VTI1A: variants seen among roughly 807,000 people sequenced by gnomAD.
The protein encoded by VTI1A is vesicle transport through interaction with t-SNAREs homolog 1A.
In VTI1A, 22 loss-of-function variants were observed where a neutral mutation model predicts 34.9. The observed-to-expected ratio is 0.63, with a 90% CI of 0.45 to 0.90. The LOEUF (loss-of-function observed/expected upper bound fraction) is 0.90, where lower values mean the gene tolerates loss of function less well. Ranked by LOEUF, VTI1A falls within the 40% of genes least tolerant of loss-of-function variation. VTI1A has a pLI of 0.00. For missense variants in VTI1A, 268 were observed against 275.6 expected (o/e 0.97, Z 0.20); for synonymous variants, 87 against 97.3 (o/e 0.89, Z 0.62).
At chr10:112,789,520 T>C (rs186352280) in intron 7 of VTI1A, among the ~76,000 whole-genome samples, 3 of 152,288 alleles carry the variant, frequency 2.0e-5, no homozygotes, top group South Asian at 2.1e-4. Context: ...TCTGCTACTC[T>C]CTCTCCTCTT....
intron 7 of VTI1A, among the ~76,000 whole-genome samples, chr10:112,733,748 A>AT (rs1290271610): frequency 6.8e-6 from 1 of 147,310 alleles, no homozygotes; most frequent in African/African-American, 2.6e-5. Context: ...ATTTTATTTT[A>AT]TTTTATTTTA....
At chr10:112,637,391 G>A (rs772829864) in intron 5 of VTI1A, among the ~76,000 whole-genome samples, 2 of 152,204 alleles carry the variant, frequency 1.3e-5, no homozygotes, top group Non-Finnish European at 2.9e-5. Flanking sequence ...ATATAGGGCT[G>A]GGTGTGGTGG....
At chr10:112,628,515 G>T (rs1846006209) in intron 5 of VTI1A, among the ~76,000 whole-genome samples, 1 of 152,124 alleles carries the variant, frequency 6.6e-6, no homozygotes, top group African/African-American at 2.4e-5. Flanking sequence ...GGCCATCAAA[G>T]AATCCTAAAT....
At position 112,701,485 on chromosome 10, in the gene VTI1A, G is replaced by A. The variant is rs189669907; in HGVS notation, c.560+32487G>A. Among the ~76,000 whole-genome samples, 151 of 152,278 alleles carry A rather than the reference G, an allele frequency of 9.9e-4. 1 individual carries two copies. In the East Asian group the frequency reaches 0.024, roughly 24 times the overall value. On this transcript the variant is annotated intron_variant, in intron 7 of 7. Coordinates refer to ENST00000393077, the MANE Select transcript of VTI1A (RefSeq NM_145206.4). ...GCAGATTTGGAATGTATAAAGCCTC[G>A]TGTTGGTTTCTTTGTATTTTCACTG...
chr10:112,766,027 C>T (rs1020530909), intron 7 of VTI1A, among the ~76,000 whole-genome samples: 3 of 152,238 alleles, frequency 2.0e-5, no homozygotes, highest in Middle Eastern at 3.4e-3. Context: ...ATGCAAGAGC[C>T]CTGTGGTGGA....
intron 7 of VTI1A, among the ~76,000 whole-genome samples, chr10:112,796,516 G>T (rs1260648834): frequency 7.2e-5 from 11 of 152,116 alleles, no homozygotes; most frequent in Admixed American, 7.2e-4. Flanking sequence ...TGATCTCGTG[G>T]TCTAAGAGCA....
At chr10:112,768,673 G>A (rs567101077) in intron 7 of VTI1A, among the ~76,000 whole-genome samples, 2 of 152,322 alleles carry the variant, frequency 1.3e-5, no homozygotes, top group Admixed American at 6.5e-5. Flanking sequence ...CATGATCCCA[G>A]GTTGAATCCT....
Position 112,522,789 on chromosome 10 carries a change from G to C in VTI1A, c.265-4298G>C, listed in dbSNP as rs868704642. ...ACTAGCTGATTTTATTGTAATACCA[G>C]ATCATTACTTAATTCATATGCAACA... On this transcript the variant is annotated intron_variant, in intron 3 of 7. Coordinates refer to ENST00000393077, the MANE Select transcript of VTI1A (RefSeq NM_145206.4). 2.8e-4 allele frequency among the ~76,000 whole-genome samples: 43 copies of C among 152,144 alleles called. 1 individual carries two copies. Among genetic ancestry groups the C allele is most frequent in the African/African-American group, 1.0e-3 (42 of 41,544 alleles).
At chr10:112,742,184 A>G (rs1850717772) in intron 7 of VTI1A, among the ~76,000 whole-genome samples, 1 of 152,238 alleles carries the variant, frequency 6.6e-6, no homozygotes, top group South Asian at 2.1e-4. Context: ...TTGACCTGGC[A>G]GGTAAAGGCT....
intron 7 of VTI1A, among the ~76,000 whole-genome samples, chr10:112,729,749 G>T (rs564936811): frequency 1.3e-5 from 2 of 152,192 alleles, no homozygotes; most frequent in African/African-American, 2.4e-5. Flanking sequence ...TTGAAATACA[G>T]TCAGGTGGGC....
intron 7 of VTI1A, among the ~76,000 whole-genome samples, chr10:112,694,075 G>A (rs1001881249): frequency 1.6e-4 from 25 of 152,136 alleles, no homozygotes; most frequent in African/African-American, 2.4e-4. Flanking sequence ...GCTTGGTGGC[G>A]CGTGCCTGTA....
At chr10:112,673,114 C>T (rs1272880547) in intron 7 of VTI1A, among the ~76,000 whole-genome samples, 1 of 151,968 alleles carries the variant, frequency 6.6e-6, no homozygotes, top group Non-Finnish European at 1.5e-5. Context: ...GCCAGGAGTT[C>T]GAAACCAGCC....
At chr10:112,850,941 A>C in the VTI1A span, among the ~76,000 whole-genome samples, 1 of 152,180 alleles carries the variant, frequency 6.6e-6, no homozygotes, top group Admixed American at 6.5e-5. Flanking sequence ...AATAAACCTC[A>C]GCCTCTCCTG....
At chr10:112,589,155 T>C (rs1184470573) in intron 5 of VTI1A, among the ~76,000 whole-genome samples, 1 of 151,754 alleles carries the variant, frequency 6.6e-6, no homozygotes, top group Non-Finnish European at 1.5e-5. Context: ...TTCCCCTTAA[T>C]ACATGGGGGG....
At chr10:112,801,266 G>A (rs186455805) in intron 7 of VTI1A, among the ~76,000 whole-genome samples, 5 of 152,232 alleles carry the variant, frequency 3.3e-5, no homozygotes, top group East Asian at 1.9e-4. Flanking sequence ...GAGACCTTTC[G>A]GCCACCTCTG....
chr10:112,609,211 G>A (rs1589969179), intron 5 of VTI1A, among the ~76,000 whole-genome samples: 1 of 152,120 alleles, frequency 6.6e-6, no homozygotes, highest in Non-Finnish European at 1.5e-5. Context: ...AGGATTAAGT[G>A]ATGAGGTGTA....
At chr10:112,565,383 C>G (rs1851874460) in intron 5 of VTI1A, among the ~76,000 whole-genome samples, 1 of 151,974 alleles carries the variant, frequency 6.6e-6, no homozygotes, top group Non-Finnish European at 1.5e-5. Flanking sequence ...GTGAAGGAAA[C>G]AGAAAATTTT....
the VTI1A span, among the ~76,000 whole-genome samples, chr10:112,848,584 C>T: frequency 6.6e-6 from 1 of 152,198 alleles, no homozygotes; most frequent in East Asian, 1.9e-4. Context: ...ATGGCAGTTA[C>T]AGGAAACCAT....
intron 5 of VTI1A, among the ~76,000 whole-genome samples, chr10:112,650,661 T>C (rs1224094148): frequency 2.0e-5 from 3 of 152,180 alleles, no homozygotes; most frequent in Non-Finnish European, 4.4e-5. Context: ...ACACGAGTAA[T>C]GCATTGTGCT....
Sources: allele counts gnomAD v4.1 joint callset (sites outside exome capture counted in the v4.1 genomes callset), GRCh38; gene constraint gnomAD v4.1.1; transcripts MANE v1.5; gene names NCBI Gene and HGNC (gene_info 2026-07-23, HGNC 2026-07-21).